RAD50: variants seen among roughly 807,000 people sequenced by gnomAD.
RAD50 encodes RAD50 double strand break repair protein.
Under a neutral mutation model 168.8 loss-of-function variants are expected in RAD50, and 132 were observed. The observed-to-expected ratio is 0.78, with a 90% confidence interval of 0.68 to 0.90. RAD50 has a LOEUF of 0.90. Ranked by LOEUF, RAD50 falls within the 40% of genes least tolerant of loss-of-function variation. The pLI, the probability that RAD50 is intolerant of heterozygous loss-of-function variation, is 0.00. For missense variants in RAD50, 1,347 were observed against 1,534.4 expected (o/e 0.88, Z 2.04); for synonymous variants, 525 against 497.4 (o/e 1.06, Z -0.74).
At chr5:132,623,246 A>G (rs531306807) in intron 21 of RAD50, among the ~76,000 whole-genome samples, 20 of 152,284 alleles carry the variant, frequency 1.3e-4, no homozygotes, top group Admixed American at 1.2e-3. Context: ...TGGGAGACCG[A>G]GGTGGGCGGA....
intron 19 of RAD50, among the ~76,000 whole-genome samples, chr5:132,614,981 C>T (rs1176040101): frequency 6.6e-6 from 1 of 152,178 alleles, no homozygotes; most frequent in Non-Finnish European, 1.5e-5. Context: ...GTCTGTCCAT[C>T]TCTCTCACTT....
chr5:132,603,268 A>G (rs1302422187), intron 13 of RAD50, 32 bp from the exon 14 acceptor site: 1 of 1,558,100 alleles, frequency 6.4e-7, no homozygotes, highest in Non-Finnish European at 8.8e-7. Flanking sequence ...GAAACATCAG[A>G]TACTTTATTT....
chr5:132,573,491 C>T (rs2149835618), intron 2 of RAD50, among the ~76,000 whole-genome samples: 1 of 152,278 alleles, frequency 6.6e-6, no homozygotes, highest in East Asian at 1.9e-4. Context: ...TCCCACAACA[C>T]ATGGGGATTC....
At chr5:132,624,435 G>T (rs1404626225) in intron 21 of RAD50, among the ~76,000 whole-genome samples, 3 of 151,946 alleles carry the variant, frequency 2.0e-5, no homozygotes, top group Non-Finnish European at 2.9e-5. Context: ...CCTCATTTAT[G>T]CCTTTAGGGG....
At chr5:132,597,278 C>A (rs1750807779) in intron 13 of RAD50, among the ~76,000 whole-genome samples, 1 of 152,086 alleles carries the variant, frequency 6.6e-6, no homozygotes, top group South Asian at 2.1e-4. Flanking sequence ...CTAAGATGGT[C>A]CCTAGTAATC....
chr5:132,558,718 CAAAAAAAAAAAAA>C (rs35515008), intron 1 of RAD50, among the ~76,000 whole-genome samples: 1 of 75,802 alleles, frequency 1.3e-5, no homozygotes, highest in Non-Finnish European at 2.5e-5. Context: ...TCTCCCCCCA[CAAAAAAAAAAAAA>C]AAAAAAAAAA....
At chr5:132,603,618 C>G (rs1014840795) in intron 14 of RAD50, 129 bp downstream of exon 14, 159 of 1,056,050 alleles carry the variant, frequency 1.5e-4, no homozygotes, top group Non-Finnish European at 2.1e-4. Context: ...TCCTGAATTT[C>G]AGATACCCTC....
In RAD50 at chr5:132,621,927, ATAT is replaced by A. The variant is rs199650976; in HGVS notation, c.3389+3638_3389+3640del. 2.1e-3 allele frequency among the ~76,000 whole-genome samples: 325 copies of A among 152,110 alleles called. 3 individuals carry two copies. The highest frequency in any genetic ancestry group is 6.9e-3 in the African/African-American group (287 of 41,478). ...GATTTTTCATACATTATCTCTTCAA[ATAT>A]TATTCTTTCTCCATTTCTCACTATT... On this transcript the variant is annotated intron_variant, in intron 21 of 24. Transcript: ENST00000378823.
rs1751750378 is a variant in RAD50 at position 132,642,452 on chromosome 5, A to G, written c.*88A>G. On this transcript the variant is annotated 3_prime_UTR_variant, in exon 25 of 25. Coordinates refer to ENST00000378823, the MANE Select transcript of RAD50 (RefSeq NM_005732.4). ...TATTTCTCATATCAACTTAGTCAAT[A>G]AGAAAATATATTCTTTCAAAGGAAC... The G allele has an allele frequency of 8.4e-7, 1 of 1,186,246 alleles. No homozygotes were observed. Among genetic ancestry groups the G allele is most frequent in the Non-Finnish European group, 1.2e-6 (1 of 826,538 alleles). The allele number at this position is 1,186,246 out of a possible 1,614,324, so 73.5% of individuals were successfully genotyped here. A position where few individuals can be genotyped will look rare whatever the true frequency, so the allele number is the denominator to read the frequency against.
intron 5 of RAD50, among the ~76,000 whole-genome samples, chr5:132,580,451 G>T (rs979833020): frequency 1.3e-5 from 2 of 152,148 alleles, no homozygotes; most frequent in African/African-American, 2.4e-5. Flanking sequence ...AAACAAATTT[G>T]TAGCATCACA....
intron 19 of RAD50, among the ~76,000 whole-genome samples, chr5:132,612,737 AG>A (rs1346189064): frequency 6.6e-6 from 1 of 152,008 alleles, no homozygotes; most frequent in Non-Finnish European, 1.5e-5. Flanking sequence ...CTGAGGTGGG[AG>A]GATTGCTTGA....
intron 9 of RAD50, 107 bp from the exon 10 acceptor site, chr5:132,591,117 T>C: frequency 8.7e-7 from 1 of 1,148,712 alleles, no homozygotes; most frequent in Non-Finnish European, 1.3e-6. Context: ...CAAACAGTAA[T>C]ATTTGGAACA....
At chr5:132,570,751 T>G (rs1055805685) in intron 2 of RAD50, among the ~76,000 whole-genome samples, 1 of 152,216 alleles carries the variant, frequency 6.6e-6, no homozygotes, top group Non-Finnish European at 1.5e-5. Flanking sequence ...TTCTTATCAT[T>G]TGTGTGTTCA....
intron 21 of RAD50, 80 bp downstream of exon 21, chr5:132,618,374 CT>C (rs1751217020): frequency 3.9e-6 from 6 of 1,552,210 alleles, no homozygotes; most frequent in Non-Finnish European, 3.5e-6. Flanking sequence ...TCATTTTTTT[CT>C]TTTTTTCTTT....
intron 6 of RAD50, 110 bp downstream of exon 6, chr5:132,587,800 G>A (rs919836962): frequency 9.7e-6 from 15 of 1,550,686 alleles, no homozygotes; most frequent in Non-Finnish European, 1.2e-5. Context: ...TACAGATCTT[G>A]TTACTTCTAT....
intron 9 of RAD50, among the ~76,000 whole-genome samples, chr5:132,590,126 A>G (rs185746466): frequency 6.6e-6 from 1 of 152,342 alleles, no homozygotes; most frequent in African/African-American, 2.4e-5. Flanking sequence ...ATAGAAATGT[A>G]CATTCAAAAC....
At chr5:132,592,860 G>T in intron 11 of RAD50, 3 of 471,062 alleles carry the variant, frequency 6.4e-6, no homozygotes. Context: ...AAGTTCTGCT[G>T]TTGTCTGCAG....
rs1429701092 is a variant in RAD50, at chr5:132,559,385, A to AAT, written c.213+18_213+19insAT. 3 of 1,591,424 alleles carry AAT rather than the reference A, an allele frequency of 1.9e-6. No homozygotes were observed. The African/African-American group carries it at 4.0e-5, about 21-fold the overall frequency. On this transcript the variant is annotated intron_variant, in intron 2 of 24. Coordinates refer to ENST00000378823, the MANE Select transcript of RAD50 (RefSeq NM_005732.4). ...ATCCCAAGGTAATGGTGCTAGTACAATTTTGTATTTTTATAATTATAAAAA... is the reference window on the plus strand; with the variant it reads ...ATCCCAAGGTAATGGTGCTAGTACAAATTTTTGTATTTTTATAATTATAAAAA...
intron 21 of RAD50, among the ~76,000 whole-genome samples, chr5:132,618,871 G>C (rs1446149467): frequency 6.6e-6 from 1 of 152,174 alleles, no homozygotes; most frequent in East Asian, 1.9e-4. Context: ...CCACTTAGAT[G>C]CTCCCTTCTT....
Sources: allele counts gnomAD v4.1 joint callset (sites outside exome capture counted in the v4.1 genomes callset), GRCh38; gene constraint gnomAD v4.1.1; transcripts MANE v1.5; gene names NCBI Gene and HGNC (gene_info 2026-07-23, HGNC 2026-07-21).